UGT2B10: variants seen among roughly 807,000 people sequenced by gnomAD.
The protein encoded by UGT2B10 is UDP-glucuronosyltransferase 2B10.
Under a neutral mutation model 43.7 loss-of-function variants are expected in UGT2B10, and 51 were observed. The ratio of observed to expected loss-of-function variants is 1.17; its 90% CI spans 0.93 to 1.47. UGT2B10 has a LOEUF of 1.47. UGT2B10 is among the 40% of genes most tolerant of loss of function. The pLI is 0.00. For synonymous variants in UGT2B10, 225 were observed against 209.0 expected, an observed-to-expected ratio of 1.08 and a Z score of -0.66; for missense variants, 696 against 617.7, an observed-to-expected ratio of 1.13 and a Z score of -1.34.
At chr4:68,823,802 T>G (rs1207294583) in intron 3 of UGT2B10, among the ~76,000 whole-genome samples, 1 of 152,100 alleles carries the variant, frequency 6.6e-6, no homozygotes, top group African/African-American at 2.4e-5. Context: ...TATACATGGA[T>G]GATGCTATAA....
intron 3 of UGT2B10, among the ~76,000 whole-genome samples, chr4:68,823,768 C>G (rs1272974051): frequency 6.6e-6 from 1 of 152,054 alleles, no homozygotes; most frequent in Non-Finnish European, 1.5e-5. Context: ...CTAATTATCT[C>G]AGATATTAGT....
chr4:68,816,189 C>T lies in UGT2B10; in HGVS notation c.170C>T (p.Ser57Phe). Reference protein sequence around the residue: ...QRGHEVTVLASSASILFDPND... With the variant: ...QRGHEVTVLAFSASILFDPND... ...GGTCATGAGGTGACTGTACTGGCATCTTCAGCTTCCATTCTTTTTGATCCC... is the reference window on the plus strand; with the variant it reads ...GGTCATGAGGTGACTGTACTGGCATTTTCAGCTTCCATTCTTTTTGATCCC... The change falls in exon 1 of 6, where the codon TCT becomes TTT. Residue 57 changes from serine (S) to phenylalanine (F), a missense_variant. By Grantham distance (155) the Ser-to-Phe change is radical. Coordinates refer to ENST00000265403, the MANE Select transcript of UGT2B10 (RefSeq NM_001075.6). The T allele has an allele frequency of 3.7e-6, 6 of 1,613,278 alleles. No individual in the cohort carries two copies. The highest frequency in any genetic ancestry group is 5.1e-6 in the Non-Finnish European group (6 of 1,179,482).
intron 5 of UGT2B10, among the ~76,000 whole-genome samples, chr4:68,829,240 A>G (rs1560421422): frequency 6.6e-6 from 1 of 152,102 alleles, no homozygotes; most frequent in Non-Finnish European, 1.5e-5. Flanking sequence ...AGGAGTACAT[A>G]TTATATAATT....
Position 68,816,663 on chromosome 4 carries a change from A to G in UGT2B10, c.644A>G (p.Tyr215Cys), listed in dbSNP as rs751067381. 1 of 1,612,414 alleles carries G rather than the reference A, an allele frequency of 6.2e-7. No homozygotes were observed. Among genetic ancestry groups the G allele is most frequent in the South Asian group, 1.1e-5 (1 of 90,966 alleles). ...ATGGAGAGGGTAAAAAATATGCTCT[A>G]TGTGCTTTATTTTGACTTTTGGTTC... is the stretch of plus-strand genomic sequence containing the variant. ...TFMERVKNMLYVLYFDFWFQI... is the reference protein window; with the variant it reads ...TFMERVKNMLCVLYFDFWFQI... The change falls in exon 1 of 6, where the codon TAT (tyrosine) becomes TGT (cysteine). Residue 215 changes from tyrosine (Y) to cysteine (C), a missense_variant. Tyr to Cys is a radical substitution (Grantham distance 194, BLOSUM62 -2). Coordinates refer to ENST00000265403, the MANE Select transcript of UGT2B10 (RefSeq NM_001075.6).
At chr4:68,826,858 A>T (rs1052344705) in intron 4 of UGT2B10, among the ~76,000 whole-genome samples, 9 of 152,062 alleles carry the variant, frequency 5.9e-5, no homozygotes, top group Non-Finnish European at 1.2e-4. Flanking sequence ...TAGCTCTTCT[A>T]TCACCAGTGA....
At chr4:68,819,773 C>T (rs764142716) in intron 2 of UGT2B10, among the ~76,000 whole-genome samples, 21 of 151,644 alleles carry the variant, frequency 1.4e-4, no homozygotes, top group East Asian at 9.7e-4. Flanking sequence ...AATTTCAATA[C>T]GAAAAAAAAT....
At chr4:68,825,836 G>T (rs1737745539) in intron 3 of UGT2B10, among the ~76,000 whole-genome samples, 1 of 151,958 alleles carries the variant, frequency 6.6e-6, no homozygotes, top group Non-Finnish European at 1.5e-5. Context: ...ACAAGTTATA[G>T]TCCTTTGGTT....
Position 68,826,420 on chromosome 4 carries a change from G to A in UGT2B10, c.1010G>A (p.Arg337Lys), listed in dbSNP as rs762555453. The A allele has an allele frequency of 6.2e-7, 1 of 1,610,558 alleles. No individual in the cohort carries two copies. The highest frequency in any genetic ancestry group is 8.5e-7 in the Non-Finnish European group (1 of 1,178,948). ...TCTTTACTGTAACAGGTTCTTTGGA[G>A]ATTTGATGGGAATAAACCAGATGCC... ...LAKIPQKVLW[R>K]FDGNKPDALG... The change falls in exon 4 of 6, where the codon AGA becomes AAA. Residue 337 changes from arginine to lysine, a missense_variant. Transcript: ENST00000265403.
At chr4:68,819,005 G>C (rs182479122) in intron 2 of UGT2B10, among the ~76,000 whole-genome samples, 1 of 151,828 alleles carries the variant, frequency 6.6e-6, no homozygotes, top group Non-Finnish European at 1.5e-5. Flanking sequence ...TGTAAAGACC[G>C]AAACATTCAG....
intron 2 of UGT2B10, among the ~76,000 whole-genome samples, chr4:68,820,638 A>T (rs1166513095): frequency 6.6e-6 from 1 of 152,038 alleles, no homozygotes; most frequent in Non-Finnish European, 1.5e-5. Flanking sequence ...TTATAAATAT[A>T]ACACGATGGC....
intron 1 of UGT2B10, 28 bp from the exon 2 acceptor site, chr4:68,818,001 C>T (rs1435944962): frequency 1.3e-6 from 2 of 1,592,202 alleles, no homozygotes; most frequent in Non-Finnish European, 1.7e-6. Context: ...TTATGTCATC[C>T]ACTTCTTCTT....
In UGT2B10 at chr4:68,818,083, G is replaced by T. The variant is rs201500332; in HGVS notation, c.773G>T (p.Arg258Leu). Residue 258 changes from arginine to leucine, a missense_variant, in exon 2 of 6, where the codon CGA becomes CTA. Coordinates refer to ENST00000265403, the MANE Select transcript of UGT2B10 (RefSeq NM_001075.6). ...TMRKADIWLM[R>L]NSWNFKFPHP... ...AGGAAAGCTGACATATGGCTTATGC[G>T]AAACTCCTGGAATTTTAAATTTCCT... is the stretch of plus-strand genomic sequence containing the variant. 8 of 1,611,564 alleles carry T rather than the reference G, an allele frequency of 5.0e-6. No homozygotes were observed. Among genetic ancestry groups the T allele is most frequent in the Non-Finnish European group, 6.8e-6 (8 of 1,178,488 alleles).
chr4:68,819,571 T>C (rs1737391705), intron 2 of UGT2B10, among the ~76,000 whole-genome samples: 1 of 152,014 alleles, frequency 6.6e-6, no homozygotes, highest in African/African-American at 2.4e-5. Flanking sequence ...CCCAGAATTT[T>C]ACATTTTAGA....
At chr4:68,822,823 T>C (rs1315835922) in intron 3 of UGT2B10, among the ~76,000 whole-genome samples, 3 of 152,152 alleles carry the variant, frequency 2.0e-5, no homozygotes, top group Non-Finnish European at 4.4e-5. Flanking sequence ...TAAAAATATA[T>C]ATCCAGAACT....
chr4:68,821,655 GC>G (rs1329201326), intron 2 of UGT2B10, among the ~76,000 whole-genome samples: 1 of 152,066 alleles, frequency 6.6e-6, no homozygotes, highest in Non-Finnish European at 1.5e-5. Context: ...TTAACCCCCA[GC>G]TTTTATTTTT....
intron 2 of UGT2B10, 86 bp from the exon 3 acceptor site, chr4:68,822,185 T>C: frequency 1.9e-6 from 3 of 1,539,998 alleles, no homozygotes; most frequent in Non-Finnish European, 1.8e-6. Context: ...TGATTTTCTC[T>C]CTTTAATATT....
Position 68,816,083 on chromosome 4 carries a change from T to A in UGT2B10, c.64T>A (p.Cys22Ser). The change falls in exon 1 of 6, where the codon TGT (cysteine) becomes AGT (serine). Residue 22 changes from cysteine to serine, a missense_variant. By Grantham distance (112) the Cys-to-Ser change is moderately radical. Coordinates refer to ENST00000265403, the MANE Select transcript of UGT2B10 (RefSeq NM_001075.6). ...CAGTTTTTACTTTAGCTCTGGGAGT[T>A]GTGGAAAGGTGCTGGTATGGGCCGC... ...QLSFYFSSGS[C>S]GKVLVWAAEY... 6.2e-7 allele frequency: 1 copy of A among 1,613,142 alleles called. No homozygotes were observed. Among genetic ancestry groups the A allele is most frequent in the Non-Finnish European group, 8.5e-7 (1 of 1,179,362 alleles).
At chr4:68,821,849 C>T (rs1400748826) in intron 2 of UGT2B10, among the ~76,000 whole-genome samples, 1 of 151,252 alleles carries the variant, frequency 6.6e-6, no homozygotes, top group African/African-American at 2.4e-5. Flanking sequence ...TACAGAAAAC[C>T]TGCCTGAAAT....
rs1436401183 is a variant in UGT2B10 at position 68,816,240 on chromosome 4, A to G, written c.221A>G (p.Glu74Gly). ...DPNDSSTLKL[E>G]VYPTSLTKTE... is the part of the protein sequence containing the mutation. ...AACGACTCATCCACTCTTAAACTTGAAGTTTATCCTACATCTTTAACTAAA... is the reference window on the plus strand; with the variant it reads ...AACGACTCATCCACTCTTAAACTTGGAGTTTATCCTACATCTTTAACTAAA... Residue 74 changes from glutamate (E) to glycine (G), a missense_variant, in exon 1 of 6, where the codon GAA (glutamate) becomes GGA (glycine). Glu to Gly is a moderately conservative substitution (Grantham distance 98). Coordinates refer to ENST00000265403, the MANE Select transcript of UGT2B10 (RefSeq NM_001075.6). The G allele has an allele frequency of 1.9e-6, 3 of 1,613,232 alleles. No homozygotes were observed. Among genetic ancestry groups the G allele is most frequent in the Non-Finnish European group, 2.5e-6 (3 of 1,179,464 alleles).
Sources: gnomAD v4.1 joint callset for allele counts (sites outside exome capture counted in the v4.1 genomes callset) on GRCh38, gnomAD v4.1.1 for gene constraint, MANE v1.5 for transcripts, NCBI Gene and HGNC (gene_info 2026-07-23, HGNC 2026-07-21) for gene names.